The following LOC400499 variants were observed in gnomAD, a reference collection of about 807,000 sequenced individuals.
chr16:11,527,107 A>G, the LOC400499 span, among the ~76,000 whole-genome samples: 1 of 152,026 alleles, frequency 6.6e-6, no homozygotes, highest in East Asian at 1.9e-4. Flanking sequence ...AGTTTTACTT[A>G]CTCTCCGCAG....
At chr16:11,516,104 C>T in the LOC400499 span, 1 of 399,550 alleles carries the variant, frequency 2.5e-6, no homozygotes, top group African/African-American at 2.1e-5. Context: ...CTTCTGGCCA[C>T]CTCTACCCCC....
At chr16:11,382,750 C>T in the LOC400499 span, among the ~76,000 whole-genome samples, 3 of 152,106 alleles carry the variant, frequency 2.0e-5, no homozygotes, top group South Asian at 2.1e-4. Context: ...GTGGAAGTTG[C>T]AGTGAGCCGA....
the LOC400499 span, among the ~76,000 whole-genome samples, chr16:11,448,280 C>G: frequency 2.0e-5 from 3 of 152,288 alleles, no homozygotes; most frequent in South Asian, 6.2e-4. Context: ...CTAGACCTCC[C>G]TAGGTACCCG....
the LOC400499 span, among the ~76,000 whole-genome samples, chr16:11,409,275 T>A: frequency 1.3e-4 from 20 of 150,964 alleles, no homozygotes; most frequent in Admixed American, 5.9e-4. Context: ...AAAGAAAAAA[T>A]AAATAAAAAA....
chr16:11,517,507 G>A, the LOC400499 span, among the ~76,000 whole-genome samples: 1 of 152,214 alleles, frequency 6.6e-6, no homozygotes, highest in Non-Finnish European at 1.5e-5. Flanking sequence ...CAGGCTCGGA[G>A]CAATGTAGTG....
chr16:11,387,200 A>G, the LOC400499 span: 1 of 1,232,284 alleles, frequency 8.1e-7, no homozygotes, highest in South Asian at 4.1e-5. Flanking sequence ...CGGCCGCAGC[A>G]GCTTCTCCTC....
chr16:11,429,074 A>G, the LOC400499 span, among the ~76,000 whole-genome samples: 2 of 152,142 alleles, frequency 1.3e-5, no homozygotes. Context: ...GGAAGGAAAG[A>G]AGGAGGGTGA....
the LOC400499 span, among the ~76,000 whole-genome samples, chr16:11,492,610 C>G: frequency 2.6e-5 from 4 of 151,872 alleles, no homozygotes; most frequent in Admixed American, 1.3e-4. Flanking sequence ...CGGTGAAACC[C>G]CATCTCTACT....
the LOC400499 span, chr16:11,391,849 C>A: frequency 8.1e-7 from 1 of 1,230,190 alleles, no homozygotes; most frequent in Middle Eastern, 3.1e-4. Context: ...TCCAGGGTGC[C>A]TGCCGGCTGC....
At chr16:11,486,286 G>GTAC in the LOC400499 span, among the ~76,000 whole-genome samples, 7 of 127,546 alleles carry the variant, frequency 5.5e-5, no homozygotes, top group Non-Finnish European at 9.5e-5. Context: ...TGGATGGATG[G>GTAC]ATGGATGGAT....
chr16:11,488,113 T>C, the LOC400499 span, among the ~76,000 whole-genome samples: 2 of 105,554 alleles, frequency 1.9e-5, no homozygotes, highest in Non-Finnish European at 3.7e-5. Context: ...CGATAGTCCA[T>C]GTCAAAAAAA....
At chr16:11,439,830 G>A in the LOC400499 span, among the ~76,000 whole-genome samples, 9 of 152,120 alleles carry the variant, frequency 5.9e-5, no homozygotes, top group Non-Finnish European at 1.2e-4. Context: ...TCCCTGCCAT[G>A]TTGCCTGTTC....
the LOC400499 span, among the ~76,000 whole-genome samples, chr16:11,395,876 A>G: frequency 6.6e-6 from 1 of 152,142 alleles, no homozygotes; most frequent in Admixed American, 6.5e-5. Flanking sequence ...CCACCCTGTG[A>G]AATATCTGAT....
At chr16:11,523,979 C>T in the LOC400499 span, among the ~76,000 whole-genome samples, 44 of 124,752 alleles carry the variant, frequency 3.5e-4, no homozygotes, top group African/African-American at 1.2e-3. Flanking sequence ...CTCTCCTATC[C>T]ATCTATCTGC....
the LOC400499 span, among the ~76,000 whole-genome samples, chr16:11,468,411 C>A: frequency 6.6e-6 from 1 of 152,098 alleles, no homozygotes; most frequent in Non-Finnish European, 1.5e-5. Flanking sequence ...GCAGCCTTGA[C>A]CTTCTGGGCT....
chr16:11,453,156 C>T, the LOC400499 span, among the ~76,000 whole-genome samples: 1 of 152,152 alleles, frequency 6.6e-6, no homozygotes, highest in Admixed American at 6.5e-5. Context: ...GTGTTCTCTC[C>T]TCTCTGTTTC....
At chr16:11,447,264 C>G in the LOC400499 span, among the ~76,000 whole-genome samples, 1 of 152,286 alleles carries the variant, frequency 6.6e-6, no homozygotes, top group East Asian at 1.9e-4. Context: ...AAGGACTTGA[C>G]TGTTCTGTGC....
At chr16:11,460,465 C>T in the LOC400499 span, 5 of 1,516,348 alleles carry the variant, frequency 3.3e-6, no homozygotes, top group Admixed American at 2.0e-5. Context: ...CGCACCTGGC[C>T]TGGGAACCCA....
the LOC400499 span, among the ~76,000 whole-genome samples, chr16:11,395,564 AC>A: frequency 6.6e-6 from 1 of 152,138 alleles, no homozygotes; most frequent in East Asian, 1.9e-4. Flanking sequence ...TGAACTCTCA[AC>A]CCAGAAATGC....
Sources: allele counts gnomAD v4.1 joint callset (sites outside exome capture counted in the v4.1 genomes callset), GRCh38; gene constraint gnomAD v4.1.1; transcripts MANE v1.5.